The following ATP8A2 variants were observed in gnomAD, a reference collection of about 807,000 sequenced individuals.
ATP8A2 encodes the protein ATPase phospholipid transporting 8A2.
In ATP8A2, 100 loss-of-function variants were observed where a neutral mutation model predicts 165.6. The ratio of observed to expected loss-of-function variants is 0.60; its 90% CI spans 0.51 to 0.71. The LOEUF (loss-of-function observed/expected upper bound fraction) is 0.71. ATP8A2 is among the 30% of genes least tolerant of loss of function. ATP8A2 has a pLI of 0.00. For missense variants in ATP8A2, 1,227 were observed against 1,479.5 expected, an observed-to-expected ratio of 0.83 and a Z score of 2.80; for synonymous variants, 543 against 548.8, an observed-to-expected ratio of 0.99 and a Z score of 0.15.
At chr13:25,626,558 T>C (rs890285942) in intron 24 of ATP8A2, among the ~76,000 whole-genome samples, 1 of 152,128 alleles carries the variant, frequency 6.6e-6, no homozygotes, top group African/African-American at 2.4e-5. Context: ...ATTTACATGA[T>C]AGAAGTTCCT....
At chr13:25,621,668 A>G (rs2040972678) in intron 24 of ATP8A2, among the ~76,000 whole-genome samples, 1 of 152,206 alleles carries the variant, frequency 6.6e-6, no homozygotes, top group African/African-American at 2.4e-5. Context: ...TTCATAAGAC[A>G]GTGGATTCCC....
chr13:25,477,191 C>T (rs1325173694), intron 2 of ATP8A2, among the ~76,000 whole-genome samples: 1 of 151,598 alleles, frequency 6.6e-6, no homozygotes, highest in East Asian at 1.9e-4. Context: ...TGAATTTGAC[C>T]AAAAAAAATC....
chr13:25,624,322 T>C (rs1475656874), intron 24 of ATP8A2, among the ~76,000 whole-genome samples: 2 of 152,104 alleles, frequency 1.3e-5, no homozygotes, highest in African/African-American at 4.8e-5. Flanking sequence ...CCTAAGGACT[T>C]GTGGTTTATA....
intron 33 of ATP8A2, among the ~76,000 whole-genome samples, chr13:25,888,072 C>T (rs1354762352): frequency 7.6e-6 from 1 of 131,208 alleles, no homozygotes; most frequent in Non-Finnish European, 1.7e-5. Flanking sequence ...ACCCAGACCC[C>T]CCCCCCGCCC....
At chr13:25,390,366 G>A (rs1440238450) in intron 1 of ATP8A2, among the ~76,000 whole-genome samples, 1 of 152,124 alleles carries the variant, frequency 6.6e-6, no homozygotes, top group Non-Finnish European at 1.5e-5. Context: ...CCCTTTTGAG[G>A]TGTATAGTAT....
At chr13:25,968,467 C>A in intron 34 of ATP8A2, 108 bp from the exon 35 acceptor site, 1 of 917,690 alleles carries the variant, frequency 1.1e-6, no homozygotes, top group Non-Finnish European at 1.7e-6. Context: ...CGAGCCTCGG[C>A]CTCCACCAAA....
Position 26,024,034 on chromosome 13 carries a change from A to G in ATP8A2, c.*4049A>G, listed in dbSNP as rs1177558589. The G allele has an allele frequency of 1.3e-5, 2 of 152,208 alleles. No individual in the cohort carries two copies. Among genetic ancestry groups the G allele is most frequent in the East Asian group, 1.9e-4 (1 of 5,192 alleles). 9.4% of individuals were successfully genotyped at this position (152,208 alleles called of 1,614,324 possible). On this transcript the variant is annotated 3_prime_UTR_variant, in exon 37 of 37. Coordinates refer to ENST00000381655, the MANE Select transcript of ATP8A2 (RefSeq NM_016529.6). ...GTTTATACGGGCATATATAATCACA[A>G]TGGGAACAGTTAAAACCCCCTCCCT... is the stretch of plus-strand genomic sequence containing the variant.
chr13:25,905,371 C>T (rs1018582803), intron 33 of ATP8A2, among the ~76,000 whole-genome samples: 13 of 152,294 alleles, frequency 8.5e-5, no homozygotes, highest in Middle Eastern at 3.4e-3. Flanking sequence ...CACTTCTTAA[C>T]GGACACTGAT....
intron 1 of ATP8A2, among the ~76,000 whole-genome samples, chr13:25,373,355 G>A (rs1015619016): frequency 1.3e-5 from 2 of 151,556 alleles, no homozygotes; most frequent in East Asian, 1.9e-4. Context: ...GGTAATTTAA[G>A]CCAATGTTTG....
chr13:25,907,368 TAAAATAAAATAA>T (rs930662572), intron 33 of ATP8A2, among the ~76,000 whole-genome samples: 1 of 76,966 alleles, frequency 1.3e-5, no homozygotes, highest in Non-Finnish European at 2.8e-5. Context: ...AATAAAAAAA[TAAAATAAAATAA>T]AATAAAATAA....
At chr13:25,532,458 A>G in intron 5 of ATP8A2, 141 bp downstream of exon 5, 1 of 600,376 alleles carries the variant, frequency 1.7e-6, no homozygotes, top group Non-Finnish European at 2.9e-6. Context: ...GTAAAATAAC[A>G]AACAAACTGA....
At position 25,555,078 on chromosome 13, in the gene ATP8A2, C is replaced by T. The variant is rs1315138131; in HGVS notation, c.1263+10C>T. On this transcript the variant is annotated intron_variant, in intron 13 of 36. Coordinates refer to ENST00000381655, the MANE Select transcript of ATP8A2 (RefSeq NM_016529.6). ...TGAAGAGCTTGGGCAGGTGAAAAAG[C>T]CTCTGGGAACTTTGGGAATGGTGAC... 3 of 1,599,832 alleles carry T rather than the reference C, an allele frequency of 1.9e-6. No homozygotes were observed. The highest frequency in any genetic ancestry group is 8.6e-7 in the Non-Finnish European group (1 of 1,167,934).
At chr13:25,542,162 A>G (rs1461657763) in intron 9 of ATP8A2, 116 bp downstream of exon 9, 1 of 1,114,588 alleles carries the variant, frequency 9.0e-7, no homozygotes, top group Non-Finnish European at 1.3e-6. Flanking sequence ...GAGATTTCAT[A>G]CCCTTTCAAT....
At chr13:25,444,466 G>A (rs1407163796) in intron 1 of ATP8A2, among the ~76,000 whole-genome samples, 1 of 152,114 alleles carries the variant, frequency 6.6e-6, no homozygotes, top group South Asian at 2.1e-4. Flanking sequence ...ACCGCCAAAA[G>A]AGTTTTCTAA....
At chr13:25,836,331 A>G (rs1020313888) in intron 28 of ATP8A2, among the ~76,000 whole-genome samples, 3 of 152,294 alleles carry the variant, frequency 2.0e-5, no homozygotes, top group East Asian at 1.9e-4. Context: ...GTGGCCTCCT[A>G]TAAACGTTGT....
At chr13:25,809,369 A>G (rs1010314527) in intron 27 of ATP8A2, among the ~76,000 whole-genome samples, 3 of 152,146 alleles carry the variant, frequency 2.0e-5, no homozygotes, top group African/African-American at 7.2e-5. Context: ...TCTTATCTAA[A>G]ATGAAAATCT....
intron 25 of ATP8A2, among the ~76,000 whole-genome samples, chr13:25,720,354 G>A (rs1277214017): frequency 2.0e-5 from 3 of 151,744 alleles, no homozygotes; most frequent in African/African-American, 7.3e-5. Context: ...AGTAGAGACG[G>A]GGTTTCACCG....
At chr13:25,600,098 G>A (rs1282660814) in intron 24 of ATP8A2, among the ~76,000 whole-genome samples, 1 of 152,152 alleles carries the variant, frequency 6.6e-6, no homozygotes, top group African/African-American at 2.4e-5. Context: ...TAAGAGTACA[G>A]TAAGAAAACT....
intron 25 of ATP8A2, among the ~76,000 whole-genome samples, chr13:25,704,112 G>A (rs956201475): frequency 2.0e-5 from 3 of 152,154 alleles, no homozygotes; most frequent in African/African-American, 7.2e-5. Context: ...TAAATGAAAT[G>A]TTTGTGGAAA....
Sources: allele counts gnomAD v4.1 joint callset (sites outside exome capture counted in the v4.1 genomes callset), GRCh38; gene constraint gnomAD v4.1.1; transcripts MANE v1.5; gene names NCBI Gene and HGNC (gene_info 2026-07-23, HGNC 2026-07-21).